Variants in UPP2 observed in about 807,000 individuals in gnomAD.
The protein encoded by UPP2 is UPase 2.
UPP2 carries 23 observed loss-of-function variants against 26.7 expected under a neutral mutation model. The observed-to-expected ratio is 0.86, with a 90% CI of 0.62 to 1.22. The LOEUF (loss-of-function observed/expected upper bound fraction) is 1.22. Ranked by LOEUF, UPP2 falls within the 50% of genes most tolerant of loss-of-function variation. The pLI is 0.00. For missense variants in UPP2, 387 were observed against 396.7 expected (o/e 0.98, Z 0.21); for synonymous variants, 127 against 141.3 (o/e 0.90, Z 0.72).
chr2:157,997,502 G>A (rs1192519938), intron 2 of UPP2, among the ~76,000 whole-genome samples: 2 of 152,118 alleles, frequency 1.3e-5, no homozygotes, highest in Non-Finnish European at 2.9e-5. Flanking sequence ...TGTTTATAGA[G>A]GTAAAATTTT....
At chr2:158,082,146 C>T (rs1682737271) in intron 3 of UPP2, among the ~76,000 whole-genome samples, 1 of 151,998 alleles carries the variant, frequency 6.6e-6, no homozygotes, top group Non-Finnish European at 1.5e-5. Context: ...AGATGGGTTT[C>T]ACCATGTTGG....
rs1491042851 is a variant in UPP2 at position 158,067,928 on chromosome 2, CAT to C, written c.148-34111_148-34110del. Reference sequence around the variant, plus strand: ...TATATATTTTATCTACATTATGTCACATGTTATATTACATATTATACATATTT... The same window carrying C: ...TATATATTTTATCTACATTATGTCACGTTATATTACATATTATACATATTT... On this transcript the variant is annotated intron_variant, in intron 3 of 9. Coordinates refer to the UPP2 transcript ENST00000605860. Among the ~76,000 whole-genome samples the C allele has an allele frequency of 4.0e-5, 6 of 151,788 alleles. No individual in the cohort carries two copies. In the South Asian group the frequency reaches 8.3e-4, roughly 21 times the overall value.
intron 3 of UPP2, among the ~76,000 whole-genome samples, chr2:158,091,877 C>T (rs778091065): frequency 6.6e-6 from 1 of 152,116 alleles, no homozygotes; most frequent in Non-Finnish European, 1.5e-5. Context: ...ATGGCATGAT[C>T]GAGTCCATGG....
chr2:158,087,919 T>C (rs2105199920), intron 3 of UPP2, among the ~76,000 whole-genome samples: 1 of 152,336 alleles, frequency 6.6e-6, no homozygotes, highest in East Asian at 1.9e-4. Context: ...CTCTTAAGAT[T>C]CTTTCCTTCA....
chr2:158,092,918 T>G (rs938570519), intron 3 of UPP2, among the ~76,000 whole-genome samples: 1 of 151,918 alleles, frequency 6.6e-6, no homozygotes, highest in African/African-American at 2.4e-5. Context: ...GGAAATGGGG[T>G]CTGCAAAGAA....
chr2:158,130,454 A>AC (rs901024587), intron 6 of UPP2, among the ~76,000 whole-genome samples: 194 of 69,622 alleles, frequency 2.8e-3, no homozygotes, highest in African/African-American at 0.014. Context: ...CCGTCTCAAA[A>AC]AAAAAAACAA....
At chr2:158,044,792 C>A (rs181294375) in intron 3 of UPP2, among the ~76,000 whole-genome samples, 39 of 152,224 alleles carry the variant, frequency 2.6e-4, no homozygotes, top group African/African-American at 8.9e-4. Context: ...ACCAGAGAGT[C>A]CTCTGTAACC....
intron 2 of UPP2, among the ~76,000 whole-genome samples, chr2:158,112,499 G>C (rs34281845): frequency 0.026 from 3,993 of 152,080 alleles, 113 homozygotes; most frequent in East Asian, 0.14. Flanking sequence ...TCTATAAAAT[G>C]TTAGAAGAAA....
intron 6 of UPP2, among the ~76,000 whole-genome samples, chr2:158,126,159 C>G (rs28592926): frequency 6.6e-6 from 1 of 152,098 alleles, no homozygotes; most frequent in Non-Finnish European, 1.5e-5. Context: ...ATTCTAAGAG[C>G]CTTTCTGTCC....
intron 6 of UPP2, chr2:158,128,131 C>T: frequency 1.8e-6 from 1 of 568,750 alleles, no homozygotes; most frequent in African/African-American, 2.0e-5. Flanking sequence ...TTTGTCTACG[C>T]TTAGGTTCTG....
intron 5 of UPP2, 45 bp downstream of exon 5, chr2:158,121,663 C>T: frequency 3.3e-6 from 5 of 1,533,042 alleles, no homozygotes; most frequent in Non-Finnish European, 4.5e-6. Context: ...AAAATGCCAG[C>T]AACTCTTTGT....
At chr2:158,134,379 C>A (rs1051492543) in intron 6 of UPP2, among the ~76,000 whole-genome samples, 1 of 152,182 alleles carries the variant, frequency 6.6e-6, no homozygotes. Flanking sequence ...TATATCCTCC[C>A]GTAAAAGACC....
chr2:157,998,377 A>G (rs1222271449), intron 2 of UPP2, among the ~76,000 whole-genome samples: 2 of 152,184 alleles, frequency 1.3e-5, no homozygotes, highest in Non-Finnish European at 2.9e-5. Flanking sequence ...GCACGTCTGA[A>G]TCCTTGAAAT....
At chr2:158,079,539 A>G (rs1418119966) in intron 3 of UPP2, among the ~76,000 whole-genome samples, 1 of 152,178 alleles carries the variant, frequency 6.6e-6, no homozygotes, top group Non-Finnish European at 1.5e-5. Flanking sequence ...AAGATCACAG[A>G]CAGGTAGCAC....
At chr2:158,037,693 C>A (rs1684025516) in intron 3 of UPP2, among the ~76,000 whole-genome samples, 1 of 152,098 alleles carries the variant, frequency 6.6e-6, no homozygotes, top group Non-Finnish European at 1.5e-5. Context: ...TTCACATGAC[C>A]ATCTCTTTTA....
At chr2:158,109,174 C>T (rs563569859) in intron 2 of UPP2, among the ~76,000 whole-genome samples, 4 of 152,178 alleles carry the variant, frequency 2.6e-5, no homozygotes, top group South Asian at 2.1e-4. Flanking sequence ...CATAATCCAT[C>T]AGTACCTGAA....
intron 2 of UPP2, among the ~76,000 whole-genome samples, chr2:157,996,506 A>T (rs1342788026): frequency 6.6e-6 from 1 of 152,204 alleles, no homozygotes; most frequent in Non-Finnish European, 1.5e-5. Flanking sequence ...AATGACTTGT[A>T]AATAAGAATT....
intron 3 of UPP2, among the ~76,000 whole-genome samples, chr2:158,053,538 G>A (rs1682192502): frequency 6.6e-6 from 1 of 152,108 alleles, no homozygotes; most frequent in African/African-American, 2.4e-5. Context: ...CCATGTACAG[G>A]GCTGGATTCA....
chr2:158,086,278 TA>T (rs1346096428), intron 3 of UPP2, among the ~76,000 whole-genome samples: 1 of 152,144 alleles, frequency 6.6e-6, no homozygotes, highest in South Asian at 2.1e-4. Flanking sequence ...TTTATACACA[TA>T]AAAGTGTTCA....
Sources: allele counts gnomAD v4.1 joint callset (sites outside exome capture counted in the v4.1 genomes callset), GRCh38; gene constraint gnomAD v4.1.1; transcripts MANE v1.5; gene names NCBI Gene and HGNC (gene_info 2026-07-23, HGNC 2026-07-21).